B3GALT1: variants seen among roughly 807,000 people sequenced by gnomAD.
B3GALT1 encodes the protein beta-1,3-galactosyltransferase 1.
B3GALT1 carries 10 observed loss-of-function variants against 23.2 expected under a neutral mutation model. The ratio of observed to expected loss-of-function variants is 0.43; its 90% CI spans 0.27 to 0.73. B3GALT1 has a LOEUF of 0.73. B3GALT1 is among the 30% of genes least tolerant of loss of function. The pLI is 0.21. For missense variants in B3GALT1, 299 were observed against 405.4 expected (o/e 0.74, Z 2.25); for synonymous variants, 156 against 141.5 (o/e 1.10, Z -0.73).
chr2:167,686,807 G>A (rs183547267), intron 3 of B3GALT1, among the ~76,000 whole-genome samples: 269 of 152,118 alleles, frequency 1.8e-3, no homozygotes, highest in Admixed American at 4.3e-3. Flanking sequence ...TAAACTTGTG[G>A]GTACTGACTA....
intron 4 of B3GALT1, among the ~76,000 whole-genome samples, chr2:167,827,254 C>T (rs545833839): frequency 6.6e-6 from 1 of 152,272 alleles, no homozygotes; most frequent in African/African-American, 2.4e-5. Flanking sequence ...AAACAAGGCT[C>T]CAAAGGTTGG....
intron 3 of B3GALT1, among the ~76,000 whole-genome samples, chr2:167,786,439 C>T (rs925323992): frequency 5.9e-5 from 9 of 152,166 alleles, no homozygotes; most frequent in Non-Finnish European, 1.3e-4. Flanking sequence ...TCATACTACC[C>T]TTATTCCGAG....
At chr2:167,518,505 C>G (rs1025899528) in intron 2 of B3GALT1, among the ~76,000 whole-genome samples, 2 of 152,118 alleles carry the variant, frequency 1.3e-5, no homozygotes, top group African/African-American at 4.8e-5. Context: ...ACAAGTAATA[C>G]TGAATACTGA....
At chr2:167,383,710 A>G (rs1178286339) in intron 1 of B3GALT1, among the ~76,000 whole-genome samples, 1 of 152,194 alleles carries the variant, frequency 6.6e-6, no homozygotes, top group Non-Finnish European at 1.5e-5. Flanking sequence ...GAGTATCTAG[A>G]TACTTAGTCT....
chr2:167,425,191 A>G (rs2105304013), intron 1 of B3GALT1, among the ~76,000 whole-genome samples: 1 of 152,248 alleles, frequency 6.6e-6, no homozygotes. Context: ...AGCAGACAGA[A>G]CTCTGCTGTT....
At chr2:167,453,196 A>G (rs1699114936) in intron 1 of B3GALT1, among the ~76,000 whole-genome samples, 1 of 152,152 alleles carries the variant, frequency 6.6e-6, no homozygotes, top group Non-Finnish European at 1.5e-5. Context: ...CCTGATGTGC[A>G]CACCTTCACT....
chr2:167,430,443 A>C (rs940108285), intron 1 of B3GALT1, among the ~76,000 whole-genome samples: 28 of 152,314 alleles, frequency 1.8e-4, no homozygotes, highest in African/African-American at 6.7e-4. Flanking sequence ...TTAATTTTTC[A>C]GTTGAGAACT....
chr2:167,654,669 A>AT (rs1558938296), intron 3 of B3GALT1, among the ~76,000 whole-genome samples: 2 of 151,592 alleles, frequency 1.3e-5, no homozygotes, highest in South Asian at 4.2e-4. Context: ...AATTTTTAAA[A>AT]TTTTTTTGTA....
intron 2 of B3GALT1, among the ~76,000 whole-genome samples, 39 bp from the exon 3 acceptor site, chr2:167,646,870 T>C (rs1685756131): frequency 6.6e-6 from 1 of 152,216 alleles, no homozygotes; most frequent in Non-Finnish European, 1.5e-5. Context: ...ATTTATAAGA[T>C]TTTAATCTAA....
At chr2:167,798,909 G>A (rs1261180719) in intron 3 of B3GALT1, among the ~76,000 whole-genome samples, 49 of 152,254 alleles carry the variant, frequency 3.2e-4, no homozygotes, top group Non-Finnish European at 8.8e-5. Context: ...TTTTCTAAAA[G>A]CTGTTGTCTT....
intron 2 of B3GALT1, among the ~76,000 whole-genome samples, chr2:167,624,814 T>A (rs1248408540): frequency 6.6e-6 from 1 of 152,028 alleles, no homozygotes; most frequent in Non-Finnish European, 1.5e-5. Flanking sequence ...TCAAACCATA[T>A]GAAGAATGCT....
intron 2 of B3GALT1, among the ~76,000 whole-genome samples, chr2:167,612,920 A>G (rs1412671136): frequency 6.6e-6 from 1 of 152,026 alleles, no homozygotes; most frequent in African/African-American, 2.4e-5. Flanking sequence ...GAGTTTGTCA[A>G]AATTGATTGC....
chr2:167,671,905 C>G (rs1041202962), intron 3 of B3GALT1, among the ~76,000 whole-genome samples: 8 of 151,778 alleles, frequency 5.3e-5, no homozygotes, highest in South Asian at 2.1e-4. Context: ...AAAGAGAAGA[C>G]TCAAATAAAT....
intron 1 of B3GALT1, among the ~76,000 whole-genome samples, chr2:167,397,188 ATTCC>A (rs911210374): frequency 7.9e-5 from 12 of 151,228 alleles, no homozygotes; most frequent in African/African-American, 1.9e-4. Flanking sequence ...TCTGCTTGAA[ATTCC>A]TTCCTTCATT....
chr2:167,325,616 A>G (rs1201373266), intron 1 of B3GALT1, among the ~76,000 whole-genome samples: 2 of 151,566 alleles, frequency 1.3e-5, no homozygotes, highest in African/African-American at 4.9e-5. Context: ...TTGGGTGAAA[A>G]CACAGATCCA....
At chr2:167,481,634 A>G (rs553645569) in intron 1 of B3GALT1, among the ~76,000 whole-genome samples, 10 of 152,344 alleles carry the variant, frequency 6.6e-5, no homozygotes, top group African/African-American at 2.4e-4. Context: ...CAACTGAGAA[A>G]GAATGATGGT....
At chr2:167,604,825 G>A (rs2105426912) in intron 2 of B3GALT1, among the ~76,000 whole-genome samples, 1 of 152,296 alleles carries the variant, frequency 6.6e-6, no homozygotes, top group Non-Finnish European at 1.5e-5. Flanking sequence ...GAGGAGAAGG[G>A]AAGCAAATAG....
intron 2 of B3GALT1, among the ~76,000 whole-genome samples, chr2:167,506,080 A>G (rs1559116596): frequency 6.6e-6 from 1 of 151,978 alleles, no homozygotes; most frequent in Non-Finnish European, 1.5e-5. Context: ...CAGAGATACT[A>G]ATTCTGTTCA....
chr2:167,349,246 C>T (rs1697273944), intron 1 of B3GALT1, among the ~76,000 whole-genome samples: 1 of 152,144 alleles, frequency 6.6e-6, no homozygotes, highest in South Asian at 2.1e-4. Context: ...TTCCCAGCTC[C>T]TCAATCCTTT....
Sources: allele counts gnomAD v4.1 joint callset (sites outside exome capture counted in the v4.1 genomes callset), GRCh38; gene constraint gnomAD v4.1.1; transcripts MANE v1.5; gene names NCBI Gene and HGNC (gene_info 2026-07-23, HGNC 2026-07-21).